The following ANK2 variants were observed in gnomAD, a reference collection of about 807,000 sequenced individuals.
ANK2 encodes the protein ankyrin-2.
A neutral mutation model predicts 360.5 loss-of-function variants in ANK2; 83 were observed. The observed-to-expected ratio is 0.23, with a 90% CI of 0.19 to 0.28. ANK2 has a LOEUF of 0.28. Ranked by LOEUF, ANK2 falls within the 10% of genes least tolerant of loss-of-function variation. The probability of loss-of-function intolerance (pLI) is 1.00; values close to 1 mark genes in which losing one functional copy is unlikely to be tolerated. For synonymous variants in ANK2, 1,740 were observed against 1,759.5 expected (o/e 0.99, Z 0.28); for missense variants, 4,201 against 4,795.7 (o/e 0.88, Z 3.66).
chr4:113,178,738 A>G (rs1292742382), intron 2 of ANK2, among the ~76,000 whole-genome samples: 1 of 152,206 alleles, frequency 6.6e-6, no homozygotes, highest in Non-Finnish European at 1.5e-5. Context: ...CTGGGGCTTT[A>G]CATGTGATGT....
intron 3 of ANK2, 108 bp from the exon 4 acceptor site, chr4:113,198,901 CAA>C: frequency 1.1e-6 from 1 of 926,532 alleles, no homozygotes. Context: ...TGATAAATAA[CAA>C]ATTTTAATCG....
At chr4:112,788,209 A>G in the ANK2 span, 1 of 1,590,018 alleles carries the variant, frequency 6.3e-7, no homozygotes, top group South Asian at 1.1e-5. Flanking sequence ...TGTCATTGTA[A>G]TTGGTCCTGA....
intron 2 of ANK2, among the ~76,000 whole-genome samples, chr4:113,040,456 G>A (rs1301859465): frequency 3.3e-5 from 5 of 151,920 alleles, no homozygotes; most frequent in African/African-American, 1.2e-4. Flanking sequence ...GGTATAAAGC[G>A]AAAACAAGCA....
At chr4:112,794,431 A>G in the ANK2 span, among the ~76,000 whole-genome samples, 1 of 152,162 alleles carries the variant, frequency 6.6e-6, no homozygotes, top group East Asian at 1.9e-4. Context: ...TTATTTGTTT[A>G]TTGCTTTGTC....
intron 23 of ANK2, among the ~76,000 whole-genome samples, chr4:113,304,261 G>A (rs895298924): frequency 3.9e-5 from 6 of 152,140 alleles, no homozygotes; most frequent in African/African-American, 1.4e-4. Context: ...TTGATGGGGA[G>A]GCACTTAGTG....
chr4:113,085,587 G>A (rs763033038), intron 1 of ANK2, among the ~76,000 whole-genome samples: 2 of 152,108 alleles, frequency 1.3e-5, no homozygotes, highest in Non-Finnish European at 2.9e-5. Context: ...GATTACAGAC[G>A]TGAGCCACCG....
intron 4 of ANK2, among the ~76,000 whole-genome samples, chr4:113,207,850 G>T (rs1422725198): frequency 6.6e-6 from 1 of 152,144 alleles, no homozygotes; most frequent in Non-Finnish European, 1.5e-5. Context: ...GATGAGGTGG[G>T]CAGGGGGCAT....
At chr4:113,118,895 C>T (rs1318662872) in intron 1 of ANK2, among the ~76,000 whole-genome samples, 3 of 152,110 alleles carry the variant, frequency 2.0e-5, no homozygotes, top group Non-Finnish European at 4.4e-5. Flanking sequence ...TCAGCTGTGA[C>T]CTAGCAACTT....
chr4:113,150,420 T>C (rs2154395204), intron 1 of ANK2, among the ~76,000 whole-genome samples: 1 of 152,306 alleles, frequency 6.6e-6, no homozygotes, highest in South Asian at 2.1e-4. Context: ...ATATCCATCC[T>C]GCCAGTGGAG....
intron 45 of ANK2, among the ~76,000 whole-genome samples, chr4:113,377,899 C>A (rs961441579): frequency 2.0e-5 from 3 of 152,096 alleles, no homozygotes; most frequent in Non-Finnish European, 4.4e-5. Flanking sequence ...AACAAATCTC[C>A]CTCACAAATG....
chr4:113,080,239 T>A (rs889085126), intron 1 of ANK2, among the ~76,000 whole-genome samples: 2 of 152,128 alleles, frequency 1.3e-5, no homozygotes, highest in Admixed American at 1.3e-4. Context: ...GAGGATGCAG[T>A]TCTTAGTAAC....
chr4:113,122,330 T>C (rs2095416158), intron 1 of ANK2, among the ~76,000 whole-genome samples: 1 of 152,016 alleles, frequency 6.6e-6, no homozygotes, highest in African/African-American at 2.4e-5. Context: ...CTACGGAAGT[T>C]GCAACACTTA....
chr4:113,308,693 G>A (rs1300994642), intron 23 of ANK2, among the ~76,000 whole-genome samples: 1 of 152,160 alleles, frequency 6.6e-6, no homozygotes, highest in East Asian at 1.9e-4. Flanking sequence ...AAGTTTGATT[G>A]TTAACAAACA....
At chr4:112,835,028 C>G (rs1469278603) in intron 1 of ANK2, among the ~76,000 whole-genome samples, 1 of 152,120 alleles carries the variant, frequency 6.6e-6, no homozygotes, top group African/African-American at 2.4e-5. Flanking sequence ...TCTGCTCTTC[C>G]TGCTGTATCA....
chr4:113,374,680 C>T, intron 45 of ANK2: 2 of 890,942 alleles, frequency 2.2e-6, no homozygotes, highest in Non-Finnish European at 2.7e-6. Flanking sequence ...ATAGTTTTGT[C>T]CTTTGTTTTT....
At chr4:112,989,807 A>G (rs979973180) in intron 2 of ANK2, among the ~76,000 whole-genome samples, 3 of 152,172 alleles carry the variant, frequency 2.0e-5, no homozygotes, top group Non-Finnish European at 4.4e-5. Flanking sequence ...ATGCTTCTAA[A>G]CCAAGAAATT....
At chr4:113,269,175 G>C (rs1272371023) in intron 14 of ANK2, among the ~76,000 whole-genome samples, 1 of 152,166 alleles carries the variant, frequency 6.6e-6, no homozygotes, top group East Asian at 1.9e-4. Flanking sequence ...TGCTGGCAGC[G>C]AGAATTTCAA....
chr4:113,067,327 A>T (rs888849607), intron 1 of ANK2, among the ~76,000 whole-genome samples: 1 of 151,936 alleles, frequency 6.6e-6, no homozygotes. Flanking sequence ...GAGGGGGCGG[A>T]GGGGAAACAA....
chr4:112,992,033 G>A (rs566846151), intron 2 of ANK2, among the ~76,000 whole-genome samples: 12 of 151,682 alleles, frequency 7.9e-5, no homozygotes, highest in South Asian at 4.2e-4. Context: ...ACTTGCCCTC[G>A]TCTTTTATTT....
Sources: allele counts gnomAD v4.1 joint callset (sites outside exome capture counted in the v4.1 genomes callset), GRCh38; gene constraint gnomAD v4.1.1; transcripts MANE v1.5; gene names NCBI Gene and HGNC (gene_info 2026-07-23, HGNC 2026-07-21).